Variants in SKI observed in about 807,000 individuals in gnomAD.
SKI encodes SKI proto-oncogene, also known as ski oncogene.
SKI carries 23 observed loss-of-function variants against 59.3 expected under a neutral mutation model. The ratio of observed to expected loss-of-function variants is 0.39; its 90% confidence interval spans 0.28 to 0.55. The LOEUF (loss-of-function observed/expected upper bound fraction) is 0.55, where lower values mean the gene tolerates loss of function less well. Among genes scored for constraint, SKI ranks in the 20% least tolerant of loss-of-function variants. SKI has a pLI of 0.67. For synonymous variants in SKI, 673 were observed against 488.6 expected (o/e 1.38, Z -4.98); for missense variants, 1,017 against 1,038.9 (o/e 0.98, Z 0.29).
intron 1 of SKI, among the ~76,000 whole-genome samples, chr1:2,243,691 G>A (rs375864908): frequency 1.6e-4 from 24 of 152,338 alleles, no homozygotes; most frequent in African/African-American, 5.5e-4. Context: ...CTTGTTGGCT[G>A]TAAACGAGTT....
chr1:2,287,105 C>G (rs1241008302), intron 1 of SKI, among the ~76,000 whole-genome samples: 2 of 152,106 alleles, frequency 1.3e-5, no homozygotes, highest in Non-Finnish European at 2.9e-5. Flanking sequence ...GCAGCCAGCT[C>G]TGGGCGAAAA....
At position 2,304,402 on chromosome 1, in the gene SKI, T is replaced by G; in HGVS notation, c.1584T>G (p.Ala528=). 6.4e-7 allele frequency: 1 copy of G among 1,552,676 alleles called. No individual in the cohort carries two copies. The highest frequency in any genetic ancestry group is 8.7e-7 in the Non-Finnish European group (1 of 1,148,254). Residue 528 remains alanine (A), a synonymous_variant, in exon 5 of 7, where the codon GCT becomes GCG. Coordinates refer to ENST00000378536, the MANE Select transcript of SKI (RefSeq NM_003036.4). Reference sequence around the variant, plus strand: ...CCCTGCCCTCGGCCGTCCCTGATGCTGCGGCCCCTGCCGACGCCCCCAGTG... The same window carrying G: ...CCCTGCCCTCGGCCGTCCCTGATGCGGCGGCCCCTGCCGACGCCCCCAGTG... ...ARALPSAVPD[A]AAPADAPSGL...
chr1:2,305,955 T>C, intron 5 of SKI, 65 bp from the exon 6 acceptor site: 1 of 1,244,268 alleles, frequency 8.0e-7, no homozygotes. Context: ...TGAGGACTGC[T>C]GGTCATGGTG....
chr1:2,274,507 G>A (rs115545826), intron 1 of SKI, among the ~76,000 whole-genome samples: 1 of 152,212 alleles, frequency 6.6e-6, no homozygotes, highest in East Asian at 1.9e-4. Flanking sequence ...TCGTGGCCGC[G>A]TGTGCTCTGC....
chr1:2,240,899 C>G, intron 1 of SKI: 1 of 663,538 alleles, frequency 1.5e-6, no homozygotes, highest in Non-Finnish European at 1.9e-6. Context: ...GCGTCGACCC[C>G]AATCCTCCTC....
chr1:2,297,612 A>G (rs1018760962), intron 1 of SKI, among the ~76,000 whole-genome samples: 1 of 152,158 alleles, frequency 6.6e-6, no homozygotes, highest in Admixed American at 6.5e-5. Flanking sequence ...AGCGTTGCCT[A>G]TTGGTGGCAG....
At chr1:2,238,857 C>T (rs957656985) in intron 1 of SKI, among the ~76,000 whole-genome samples, 1 of 152,226 alleles carries the variant, frequency 6.6e-6, no homozygotes, top group Non-Finnish European at 1.5e-5. Flanking sequence ...GAAGCCTGCC[C>T]CAGGCTGCCT....
At chr1:2,300,423 C>T (rs907803442) in intron 1 of SKI, among the ~76,000 whole-genome samples, 3 of 151,710 alleles carry the variant, frequency 2.0e-5, no homozygotes, top group African/African-American at 7.2e-5. Flanking sequence ...GGCAAGCGGT[C>T]GTAGCTGCTC....
chr1:2,285,870 GTTTTTTTTTTTT>G lies in SKI; in HGVS notation c.970-17098_970-17087del, dbSNP rs77227502. Among the ~76,000 whole-genome samples the G allele has an allele frequency of 1.3e-3, 129 of 102,714 alleles. 1 individual carries two copies. Among genetic ancestry groups the G allele is most frequent in the Admixed American group, 3.9e-3 (36 of 9,194 alleles). The allele number at this position is 102,714 out of a possible 152,430, so 67.4% of individuals were successfully genotyped here. A position where few individuals can be genotyped will look rare whatever the true frequency, so the allele number is the denominator to read the frequency against. The stretch of plus-strand genomic sequence containing the variant: ...CGTGAGCCACCGCACCAGCCAGAAG[GTTTTTTTTTTTT>G]TTTTTTTTTGAAACGGAGTCTCGCA... On this transcript the variant is annotated intron_variant, in intron 1 of 6. Coordinates refer to ENST00000378536, the MANE Select transcript of SKI (RefSeq NM_003036.4).
intron 1 of SKI, among the ~76,000 whole-genome samples, chr1:2,238,408 C>G (rs894539670): frequency 6.6e-6 from 1 of 152,238 alleles, no homozygotes; most frequent in Non-Finnish European, 1.5e-5. Flanking sequence ...TACACGGTAC[C>G]CAGGACAGGC....
chr1:2,231,192 C>T (rs1029562071), intron 1 of SKI, among the ~76,000 whole-genome samples: 6 of 151,986 alleles, frequency 3.9e-5, no homozygotes, highest in Admixed American at 2.6e-4. Flanking sequence ...GCCGCACCCT[C>T]GTCAGTGCCT....
chr1:2,234,036 G>A (rs1638699670), intron 1 of SKI, among the ~76,000 whole-genome samples: 1 of 152,204 alleles, frequency 6.6e-6, no homozygotes, highest in Admixed American at 6.5e-5. Context: ...GTTCCCTGTA[G>A]TCTTGGGCCA....
Position 2,306,241 on chromosome 1 carries a change from C to T in SKI, c.1989C>T (p.Tyr663=), listed in dbSNP as rs746893363. 6 of 1,554,702 alleles carry T rather than the reference C, an allele frequency of 3.9e-6. No individual in the cohort carries two copies. The highest frequency in any genetic ancestry group is 3.5e-5 in the South Asian group (3 of 84,570). ...GCEAGRLRAK[Y]SAQIEDLQVK... is the part of the protein sequence containing the mutation. The stretch of plus-strand genomic sequence containing the variant: ...AGGCGGGCCGCCTGCGCGCCAAGTA[C>T]TCGGCCCAGGTATGCGGGTGGGGAG... Residue 663 remains tyrosine, a synonymous_variant, in exon 6 of 7, where the codon TAC becomes TAT. Transcript: ENST00000378536.
At position 2,229,667 on chromosome 1, in the gene SKI, G is replaced by C. The variant is rs1445231657; in HGVS notation, c.901G>C (p.Gly301Arg). The part of the protein sequence containing the change: ...YTGKEEQARL[G>R]RCLDDVKEKF... ...GGGCAAGGAGGAGCAGGCGCGCCTC[G>C]GCCGCTGCCTGGACGACGTGAAGGA... is the stretch of plus-strand genomic sequence containing the variant. Residue 301 changes from glycine to arginine, a missense_variant, in exon 1 of 7, where the codon GGC becomes CGC. Transcript: ENST00000378536. The surrounding 1 kb of genome is among the most constrained non-coding windows in gnomAD (Gnocchi z 6.3). 1 of 1,609,978 alleles carries C rather than the reference G, an allele frequency of 6.2e-7. No homozygotes were observed. The highest frequency in any genetic ancestry group is 8.5e-7 in the Non-Finnish European group (1 of 1,178,804).
intron 1 of SKI, among the ~76,000 whole-genome samples, chr1:2,238,353 C>T (rs262679): frequency 0.28 from 42,922 of 152,200 alleles, 7,401 homozygotes; most frequent in Admixed American, 0.38. Flanking sequence ...CCTAGGCATG[C>T]TGTTCCCTGC....
chr1:2,280,396 C>T (rs1184312269), intron 1 of SKI, among the ~76,000 whole-genome samples: 1 of 151,674 alleles, frequency 6.6e-6, no homozygotes, highest in Non-Finnish European at 1.5e-5. Flanking sequence ...AAAGTCTGAC[C>T]ACAGCCCCTT....
rs534157560 is a variant in SKI at position 2,303,169 on chromosome 1, A to C, written c.1095+66A>C. 6.6e-5 allele frequency: 106 copies of C among 1,607,696 alleles called. No individual in the cohort carries two copies. The highest frequency in any genetic ancestry group is 8.7e-5 in the Non-Finnish European group (102 of 1,176,426). On this transcript the variant is annotated intron_variant, in intron 2 of 6. Coordinates refer to ENST00000378536, the MANE Select transcript of SKI (RefSeq NM_003036.4). The surrounding 1 kb of genome is among the most constrained non-coding windows in gnomAD (Gnocchi z 5.6). ...TGGGCCCTTCTCCTTGGGCAGACCC[A>C]GCGGCTGGCAGCTCCACCTGCCCGC...
Position 2,229,364 on chromosome 1 carries a change from A to C in SKI, c.598A>C (p.Lys200Gln). 6.3e-7 allele frequency: 1 copy of C among 1,599,690 alleles called. No individual in the cohort carries two copies. Among genetic ancestry groups the C allele is most frequent in the South Asian group, 1.1e-5 (1 of 89,810 alleles). ...LYGGAYPPPC[K>Q]KELAASLALG... is the part of the protein sequence containing the mutation. Reference sequence around the variant, plus strand: ...CGGCGGCGCCTACCCGCCGCCCTGCAAGAAGGAGCTGGCCGCCAGCCTGGC... The same window carrying C: ...CGGCGGCGCCTACCCGCCGCCCTGCCAGAAGGAGCTGGCCGCCAGCCTGGC... The change falls in exon 1 of 7, where the codon AAG (lysine) becomes CAG (glutamine). Residue 200 changes from lysine (K) to glutamine (Q), a missense_variant. Lys to Gln is a moderately conservative substitution (Grantham distance 53). Transcript: ENST00000378536. The surrounding 1 kb of genome is among the most constrained non-coding windows in gnomAD (Gnocchi z 6.3).
At position 2,304,342 on chromosome 1, in the gene SKI, C is replaced by G. The variant is rs1274200894; in HGVS notation, c.1524C>G (p.Ser508Arg). 6.4e-7 allele frequency: 1 copy of G among 1,551,654 alleles called. No individual in the cohort carries two copies. Reference protein sequence around the residue: ...SLSSPSFTSSSSAKDLGSPGA... With the variant: ...SLSSPSFTSSRSAKDLGSPGA... ...CTTCCCCGTCCTTTACCTCATCCAGCTCCGCCAAGGACCTGGGCTCCCCGG... is the reference window on the plus strand; with the variant it reads ...CTTCCCCGTCCTTTACCTCATCCAGGTCCGCCAAGGACCTGGGCTCCCCGG... Residue 508 changes from serine (S) to arginine (R), a missense_variant, in exon 5 of 7, where the codon AGC (serine) becomes AGG (arginine). Physicochemically the swap from Ser to Arg is moderately radical, Grantham distance 110. Transcript: ENST00000378536.
Sources: gnomAD v4.1 joint callset for allele counts (sites outside exome capture counted in the v4.1 genomes callset) on GRCh38, gnomAD v4.1.1 for gene constraint, Gnocchi (gnomAD v3.1) non-coding constraint, MANE v1.5 for transcripts, NCBI Gene and HGNC (gene_info 2026-07-23, HGNC 2026-07-21) for gene names.